The following ZBTB46 variants were observed in gnomAD, a reference collection of about 807,000 sequenced individuals.
ZBTB46 encodes the protein zinc finger and BTB domain containing 46.
A neutral mutation model predicts 44.1 loss-of-function variants in ZBTB46; 8 were observed. The ratio of observed to expected loss-of-function variants is 0.18; its 90% CI spans 0.11 to 0.33. The LOEUF is 0.33. ZBTB46 is among the 10% of genes least tolerant of loss of function. ZBTB46 has a pLI of 1.00. For missense variants in ZBTB46, 651 were observed against 847.7 expected (o/e 0.77, Z 2.88); for synonymous variants, 409 against 382.3 (o/e 1.07, Z -0.81).
intron 1 of ZBTB46, among the ~76,000 whole-genome samples, chr20:63,814,433 A>C (rs567970951): frequency 6.6e-6 from 1 of 152,340 alleles, no homozygotes; most frequent in Non-Finnish European, 1.5e-5. Context: ...AAATAATAAT[A>C]TAACTTTTAC....
chr20:63,832,146 G>C (rs555765552), upstream of ZBTB46, among the ~76,000 whole-genome samples: 42 of 152,190 alleles, frequency 2.8e-4, no homozygotes, highest in East Asian at 8.1e-3. This position sits in a 1 kb window ranked among gnomAD's most constrained non-coding sequence, Gnocchi z 5.0. Flanking sequence ...GCCCCAGCCC[G>C]TGTGCAGCCC....
At chr20:63,823,337 A>G (rs1424513792) in intron 1 of ZBTB46, among the ~76,000 whole-genome samples, 1 of 151,936 alleles carries the variant, frequency 6.6e-6, no homozygotes, top group Admixed American at 6.6e-5. Flanking sequence ...TCTACTAAAA[A>G]AAGTACAAAA....
intron 3 of ZBTB46, among the ~76,000 whole-genome samples, chr20:63,766,534 C>CA (rs11434220): frequency 0.47 from 60,763 of 130,372 alleles, 13,708 homozygotes; most frequent in Middle Eastern, 0.6. Context: ...CCATTTTGAC[C>CA]AAAAAAAAAA....
At chr20:63,806,792 T>G (rs187049794) in intron 1 of ZBTB46, among the ~76,000 whole-genome samples, 8 of 151,702 alleles carry the variant, frequency 5.3e-5, no homozygotes, top group Admixed American at 3.3e-4. Context: ...TGTTTTGGTT[T>G]TTTTTTTTGA....
Position 63,831,171 on chromosome 20 carries a change from C to G in ZBTB46, c.-108G>C, listed in dbSNP as rs1401005083. The stretch of plus-strand genomic sequence containing the variant: ...CGGCGCCGGTGATCGCCGCCGCCGC[C>G]GGGAGGGCGCTGCGTCCGGGCGGGT... On this transcript the variant is annotated 5_prime_UTR_variant, in exon 1 of 5. Coordinates refer to ENST00000245663, the MANE Select transcript of ZBTB46 (RefSeq NM_001369741.1). 2 of 142,632 alleles carry G rather than the reference C, an allele frequency of 1.4e-5. No individual in the cohort carries two copies. Among genetic ancestry groups the G allele is most frequent in the African/African-American group, 5.0e-5 (2 of 39,692 alleles). The allele number at this position is 142,632 out of a possible 1,614,324, so 8.8% of individuals were successfully genotyped here. A position where few individuals can be genotyped will look rare whatever the true frequency, so the allele number is the denominator to read the frequency against.
At chr20:63,827,821 T>G (rs1013439378) in intron 1 of ZBTB46, among the ~76,000 whole-genome samples, 1 of 152,238 alleles carries the variant, frequency 6.6e-6, no homozygotes, top group Non-Finnish European at 1.5e-5. Context: ...ACAGAACCAT[T>G]CAACAGAACA....
intron 2 of ZBTB46, among the ~76,000 whole-genome samples, chr20:63,789,576 G>A (rs1055342803): frequency 2.6e-5 from 4 of 152,234 alleles, no homozygotes; most frequent in Admixed American, 2.6e-4. Flanking sequence ...CCCGTGTGTG[G>A]GTGACACCAG....
At chr20:63,772,738 CA>C (rs1271127289) in intron 3 of ZBTB46, among the ~76,000 whole-genome samples, 7 of 79,666 alleles carry the variant, frequency 8.8e-5, no homozygotes, top group African/African-American at 3.2e-4. Context: ...CACACACACA[CA>C]CACACACACA....
chr20:63,818,082 G>T (rs1362834575), intron 1 of ZBTB46, among the ~76,000 whole-genome samples: 1 of 152,224 alleles, frequency 6.6e-6, no homozygotes, highest in Non-Finnish European at 1.5e-5. Context: ...GGCACTGGGG[G>T]TCTTCACCCA....
chr20:63,791,008 G>A lies in ZBTB46; in HGVS notation c.-33-218C>T, dbSNP rs143175187. On this transcript the variant is annotated intron_variant, in intron 1 of 4. Transcript: ENST00000245663. ...GGCACCAGTGCGTCCAGGGTGGGAC[G>A]TCTGCCACGTGTTTCCGTGCTCGAG... is the stretch of plus-strand genomic sequence containing the variant. 9.8e-4 allele frequency: 532 copies of A among 541,578 alleles called. 1 individual carries two copies. The highest frequency in any genetic ancestry group is 9.4e-3 in the African/African-American group (496 of 53,044). The allele number at this position is 541,578 out of a possible 1,614,324, so 33.5% of individuals were successfully genotyped here.
chr20:63,781,353 C>T (rs1370789929), intron 2 of ZBTB46, among the ~76,000 whole-genome samples: 2 of 152,150 alleles, frequency 1.3e-5, no homozygotes, highest in Non-Finnish European at 1.5e-5. Context: ...TCACCGCCAG[C>T]TGAGCCACGA....
intron 1 of ZBTB46, among the ~76,000 whole-genome samples, chr20:63,808,549 C>T (rs11699646): frequency 0.18 from 27,554 of 152,100 alleles, 3,042 homozygotes; most frequent in East Asian, 0.47. Flanking sequence ...TGTGACCTCC[C>T]GCCCCTAAGC....
intron 2 of ZBTB46, among the ~76,000 whole-genome samples, chr20:63,777,137 G>C (rs59221881): frequency 0.037 from 1,281 of 34,392 alleles, 49 homozygotes; most frequent in South Asian, 0.057. Context: ...CACGGTTCCA[G>C]CACACGCCAC....
intron 3 of ZBTB46, among the ~76,000 whole-genome samples, chr20:63,762,569 G>A (rs1416071053): frequency 6.6e-6 from 1 of 151,964 alleles, no homozygotes; most frequent in African/African-American, 2.4e-5. Context: ...CAGGATAATT[G>A]CTTGAACCTG....
chr20:63,771,943 C>A (rs2092378231), intron 3 of ZBTB46, among the ~76,000 whole-genome samples: 2 of 151,796 alleles, frequency 1.3e-5, no homozygotes, highest in African/African-American at 2.4e-5. Context: ...CACAGCCCGA[C>A]AGGCGAAGGA....
chr20:63,774,088 G>A (rs1201771044), intron 3 of ZBTB46, among the ~76,000 whole-genome samples: 1 of 105,582 alleles, frequency 9.5e-6, no homozygotes, highest in Non-Finnish European at 1.8e-5. Flanking sequence ...TTCAGATGTG[G>A]GAAGTGAGGC....
intron 1 of ZBTB46, among the ~76,000 whole-genome samples, chr20:63,816,792 C>A (rs1439268771): frequency 1.3e-5 from 2 of 152,132 alleles, no homozygotes; most frequent in African/African-American, 4.8e-5. Flanking sequence ...CCCAATAGGA[C>A]CAGCTTCCTT....
At chr20:63,750,334 TCA>T (rs2092148410) in intron 4 of ZBTB46, among the ~76,000 whole-genome samples, 2 of 152,100 alleles carry the variant, frequency 1.3e-5, no homozygotes, top group African/African-American at 4.8e-5. Flanking sequence ...AGCCTGGACC[TCA>T]CTGGGCTCAG....
intron 3 of ZBTB46, among the ~76,000 whole-genome samples, chr20:63,762,516 T>C (rs921013575): frequency 6.6e-6 from 1 of 151,858 alleles, no homozygotes; most frequent in African/African-American, 2.4e-5. Flanking sequence ...TGAGCCAGGG[T>C]GGTGGCACGC....
Sources: allele counts gnomAD v4.1 joint callset (sites outside exome capture counted in the v4.1 genomes callset), GRCh38; gene constraint gnomAD v4.1.1; non-coding constraint Gnocchi (gnomAD v3.1); transcripts MANE v1.5; gene names NCBI Gene and HGNC (gene_info 2026-07-23, HGNC 2026-07-21).